MYEF2: variants seen among roughly 807,000 people sequenced by gnomAD.
The protein encoded by MYEF2 is myelin expression factor 2.
A neutral mutation model predicts 75.2 loss-of-function variants in MYEF2; 37 were observed. The observed-to-expected ratio is 0.49, with a 90% confidence interval of 0.38 to 0.65. MYEF2 has a LOEUF of 0.65. Ranked by LOEUF, MYEF2 falls within the 30% of genes least tolerant of loss-of-function variation. MYEF2 has a pLI of 0.00. For synonymous variants in MYEF2, 195 were observed against 241.6 expected, an observed-to-expected ratio of 0.81 and a Z score of 1.79; for missense variants, 634 against 771.4, an observed-to-expected ratio of 0.82 and a Z score of 2.11.
intron 1 of MYEF2, chr15:48,169,748 C>G (rs960725414): frequency 3.9e-5 from 6 of 152,076 alleles, no homozygotes; most frequent in African/African-American, 1.5e-4. Flanking sequence ...AGGTGCCCAC[C>G]ACCATGCCCA....
rs932752002 is a variant in MYEF2 at position 48,137,473 on chromosome 15, G to T, written c.*5435C>A. 4 of 152,160 alleles carry T rather than the reference G, an allele frequency of 2.6e-5. No homozygotes were observed. Among genetic ancestry groups the T allele is most frequent in the African/African-American group, 9.7e-5 (4 of 41,412 alleles). The allele number at this position is 152,160 out of a possible 1,614,324, so 9.4% of individuals were successfully genotyped here. A position where few individuals can be genotyped will look rare whatever the true frequency, so the allele number is the denominator to read the frequency against. ...AATGCTATTTTAAGAATCTTGGAAG[G>T]TTTCTGAGGAGAGAAATTATTAGAA... On this transcript the variant is annotated 3_prime_UTR_variant, in exon 17 of 17. Transcript: ENST00000324324.
Position 48,168,704 on chromosome 15 carries a change from AC to A in MYEF2, c.296del (p.Arg99LeufsTer13). ...SGAGEKKGPNRNRVFISNIPY... is the reference protein window; with the variant it reads ...SGAGEKKGPNXNRVFISNIPY... ...GGATGTTGCTAATGAAAACTCTGTT[AC>A]GATTTGGACCCTTCTTTTCTCCAGC... On this transcript the variant is annotated frameshift_variant, in exon 2 of 17. Transcript: ENST00000324324. LOFTEE classifies it high-confidence loss of function. 1 of 1,613,984 alleles carries A rather than the reference AC, an allele frequency of 6.2e-7. No homozygotes were observed. The highest frequency in any genetic ancestry group is 1.1e-5 in the South Asian group (1 of 91,080).
chr15:48,163,895 C>CA (rs900927723), intron 5 of MYEF2, among the ~76,000 whole-genome samples: 60 of 148,960 alleles, frequency 4.0e-4, no homozygotes, highest in Admixed American at 3.6e-3. Context: ...ACCTCTTGCT[C>CA]AAAAAAAAAA....
intron 9 of MYEF2, among the ~76,000 whole-genome samples, chr15:48,155,970 G>A (rs189713642): frequency 6.6e-5 from 10 of 151,876 alleles, no homozygotes; most frequent in African/African-American, 2.4e-4. Context: ...TAGAGACGGG[G>A]TTTCACCATG....
intron 9 of MYEF2, among the ~76,000 whole-genome samples, chr15:48,155,019 A>AAAATAAGTAT (rs2039639122): frequency 6.6e-6 from 1 of 152,142 alleles, no homozygotes; most frequent in African/African-American, 2.4e-5. Flanking sequence ...AGATAGGAGT[A>AAAATAAGTAT]AAATAAGTAT....
At chr15:48,147,893 C>A (rs982766538) in intron 16 of MYEF2, among the ~76,000 whole-genome samples, 1 of 151,936 alleles carries the variant, frequency 6.6e-6, no homozygotes, top group East Asian at 1.9e-4. Context: ...TGAACATCTA[C>A]CCAGAATGCT....
chr15:48,174,468 A>T (rs1263235785), intron 1 of MYEF2, among the ~76,000 whole-genome samples: 2 of 152,088 alleles, frequency 1.3e-5, no homozygotes, highest in Admixed American at 1.3e-4. Context: ...ACATCAAAGT[A>T]AAAAGTTATT....
chr15:48,151,309 T>G (rs1341049042), intron 13 of MYEF2, 138 bp from the exon 14 acceptor site: 2 of 1,012,422 alleles, frequency 2.0e-6, no homozygotes, highest in Admixed American at 2.2e-5. Flanking sequence ...ATATGTAAGA[T>G]GTTGAAAAAG....
At chr15:48,157,757 T>G in intron 9 of MYEF2, 1 of 1,224,702 alleles carries the variant, frequency 8.2e-7, no homozygotes, top group South Asian at 2.9e-5. Flanking sequence ...TTACCAAACA[T>G]TTTAGAATGT....
In MYEF2 at chr15:48,142,558, G is replaced by A. The variant is rs1025010174; in HGVS notation, c.*350C>T. The A allele has an allele frequency of 5.2e-5, 25 of 476,750 alleles. No individual in the cohort carries two copies. Among genetic ancestry groups the A allele is most frequent in the Non-Finnish European group, 7.9e-5 (22 of 279,776 alleles). 29.5% of individuals were successfully genotyped at this position (476,750 alleles called of 1,614,324 possible). On this transcript the variant is annotated 3_prime_UTR_variant, in exon 17 of 17. Coordinates refer to ENST00000324324, the MANE Select transcript of MYEF2 (RefSeq NM_016132.5). ...ACATATTATAAAACAGAAGTTTGGG[G>A]GGAAAAAATCTATGTTTTACCATAC... is the stretch of plus-strand genomic sequence containing the variant.
chr15:48,166,997 A>G (rs568335013), intron 3 of MYEF2, among the ~76,000 whole-genome samples: 1 of 152,188 alleles, frequency 6.6e-6, no homozygotes, highest in Admixed American at 6.5e-5. Flanking sequence ...TTTAAGCTAT[A>G]GCCCTCAAAA....
At chr15:48,147,189 A>C (rs2140816225) in intron 16 of MYEF2, among the ~76,000 whole-genome samples, 1 of 152,060 alleles carries the variant, frequency 6.6e-6, no homozygotes, top group African/African-American at 2.4e-5. Flanking sequence ...TTTCCTTTCA[A>C]AAAATGTCTT....
intron 16 of MYEF2, among the ~76,000 whole-genome samples, chr15:48,146,663 T>C (rs1036145557): frequency 1.1e-4 from 17 of 152,002 alleles, no homozygotes; most frequent in Non-Finnish European, 1.2e-4. Flanking sequence ...TACTACTAGA[T>C]TCTTACTAAG....
chr15:48,145,182 G>A (rs1347558092), intron 16 of MYEF2, among the ~76,000 whole-genome samples: 2 of 151,804 alleles, frequency 1.3e-5, no homozygotes, highest in Non-Finnish European at 3.0e-5. Flanking sequence ...TATATGGACA[G>A]TAGCCCATAA....
chr15:48,149,177 T>C lies in MYEF2; in HGVS notation c.1573A>G (p.Ile525Val). 1 of 1,613,380 alleles carries C rather than the reference T, an allele frequency of 6.2e-7. No homozygotes were observed. The highest frequency in any genetic ancestry group is 8.5e-7 in the Non-Finnish European group (1 of 1,179,476). ...RERIGSKGNQ[I>V]FVRNLPFDLT... ...TATTTGCTTACATTTCTGACAAATATCTGGTTGCCTTTGGAGCCTATTCTC... is the reference window on the plus strand; with the variant it reads ...TATTTGCTTACATTTCTGACAAATACCTGGTTGCCTTTGGAGCCTATTCTC... The change falls in exon 15 of 17, where the codon ATA becomes GTA. Residue 525 changes from isoleucine (I) to valine (V), a missense_variant. Transcript: ENST00000324324. The surrounding 1 kb of genome is among the most constrained non-coding windows in gnomAD (Gnocchi z 4.0).
In MYEF2 at chr15:48,140,511, C is replaced by A. The variant is rs1443205647; in HGVS notation, c.*2397G>T. The A allele has an allele frequency of 6.6e-6, 1 of 152,018 alleles. No homozygotes were observed. The highest frequency in any genetic ancestry group is 2.4e-5 in the African/African-American group (1 of 41,392). 9.4% of individuals were successfully genotyped at this position (152,018 alleles called of 1,614,324 possible). A position where few individuals can be genotyped will look rare whatever the true frequency, so the allele number is the denominator to read the frequency against. On this transcript the variant is annotated 3_prime_UTR_variant, in exon 17 of 17. Coordinates refer to ENST00000324324, the MANE Select transcript of MYEF2 (RefSeq NM_016132.5). ...TAAATACATTTCTGAAAAATGTTGA[C>A]CTGACATCAAATTTAACAGAAGTAT...
intron 1 of MYEF2, among the ~76,000 whole-genome samples, chr15:48,174,101 T>C (rs563628351): frequency 6.6e-6 from 1 of 152,198 alleles, no homozygotes; most frequent in Non-Finnish European, 1.5e-5. Flanking sequence ...ATTACAAATC[T>C]ATAGTAATCA....
chr15:48,167,755 T>G (rs1457944210), intron 2 of MYEF2, among the ~76,000 whole-genome samples: 3 of 152,078 alleles, frequency 2.0e-5, no homozygotes, highest in African/African-American at 7.2e-5. Flanking sequence ...TCAAATAACT[T>G]TGGTCAGCCT....
chr15:48,163,090 G>T (rs2040007135), intron 5 of MYEF2, among the ~76,000 whole-genome samples: 1 of 152,134 alleles, frequency 6.6e-6, no homozygotes. Flanking sequence ...GTTCCTGAAG[G>T]AAACTTAAAG....
Sources: gnomAD v4.1 joint callset for allele counts (sites outside exome capture counted in the v4.1 genomes callset) on GRCh38, gnomAD v4.1.1 for gene constraint, Gnocchi (gnomAD v3.1) non-coding constraint, MANE v1.5 for transcripts, NCBI Gene and HGNC (gene_info 2026-07-23, HGNC 2026-07-21) for gene names.